Variants in INO80D observed in about 807,000 individuals in gnomAD.
INO80D encodes INO80 complex subunit D.
Under a neutral mutation model 87.6 loss-of-function variants are expected in INO80D, and 21 were observed. The ratio of observed to expected loss-of-function variants is 0.24; its 90% CI spans 0.17 to 0.35. The LOEUF is 0.35. INO80D is among the 10% of genes least tolerant of loss of function. The pLI is 1.00. For missense variants in INO80D, 982 were observed against 1,280.7 expected, an observed-to-expected ratio of 0.77 and a Z score of 3.56; for synonymous variants, 440 against 491.0, an observed-to-expected ratio of 0.90 and a Z score of 1.37.
chr2:206,058,418 CAAAAAAAAAA>C (rs59790218), intron 3 of INO80D, among the ~76,000 whole-genome samples: 1 of 125,322 alleles, frequency 8.0e-6, no homozygotes, highest in Admixed American at 7.8e-5. Context: ...GACTCTGTCT[CAAAAAAAAAA>C]AAAAAAAAAA....
intron 4 of INO80D, among the ~76,000 whole-genome samples, chr2:206,051,381 T>C (rs1324718341): frequency 6.6e-6 from 1 of 151,912 alleles, no homozygotes; most frequent in East Asian, 1.9e-4. Context: ...TGCCTGGCTA[T>C]AACAGATACC....
chr2:206,007,614 G>A (rs539747372), intron 9 of INO80D, among the ~76,000 whole-genome samples, 173 bp from the exon 10 acceptor site: 18 of 152,266 alleles, frequency 1.2e-4, no homozygotes, highest in South Asian at 8.3e-4. Context: ...TTGAGGGCAC[G>A]AGTTCGAGAT....
At chr2:206,053,958 G>A (rs1353181675) in intron 4 of INO80D, among the ~76,000 whole-genome samples, 2 of 151,684 alleles carry the variant, frequency 1.3e-5, no homozygotes, top group Non-Finnish European at 2.9e-5. Context: ...TCCTGCCTCA[G>A]CCTCCCAAGT....
rs550226257 is a variant in INO80D at position 206,023,141 on chromosome 2, C to A, written c.1299-3296G>T. Among the ~76,000 whole-genome samples the A allele has an allele frequency of 1.8e-3, 278 of 151,910 alleles. 1 individual carries two copies. The highest frequency in any genetic ancestry group is 6.4e-3 in the African/African-American group (265 of 41,458). ...ACTTGAATCCGGGAGGCGGAGCTTG[C>A]AGGGAGCCAAGACAGCGCCATTGCA... On this transcript the variant is annotated intron_variant, in intron 6 of 10. Transcript: ENST00000403263.
intron 5 of INO80D, among the ~76,000 whole-genome samples, chr2:206,039,810 CAAAAAAAA>C (rs35689223): frequency 2.0e-5 from 2 of 101,090 alleles, no homozygotes; most frequent in South Asian, 3.4e-4. Flanking sequence ...CCTCTGTCTC[CAAAAAAAA>C]AAAAAAAAAA....
chr2:206,056,007 A>T (rs1306029552), intron 4 of INO80D, among the ~76,000 whole-genome samples, 191 bp downstream of exon 4: 1 of 152,144 alleles, frequency 6.6e-6, no homozygotes, highest in Non-Finnish European at 1.5e-5. Context: ...CCAATCCACC[A>T]CACATGTAGA....
chr2:206,057,865 T>C (rs1409571812), intron 3 of INO80D, among the ~76,000 whole-genome samples: 5 of 150,826 alleles, frequency 3.3e-5, no homozygotes, highest in Non-Finnish European at 5.9e-5. Context: ...TCACCAGTGA[T>C]GCCATCTGAC....
At chr2:206,045,146 A>C (rs1171756125) in intron 5 of INO80D, among the ~76,000 whole-genome samples, 1 of 152,172 alleles carries the variant, frequency 6.6e-6, no homozygotes, top group Non-Finnish European at 1.5e-5. Flanking sequence ...AATCCAACTA[A>C]CCCTACTTGC....
At chr2:206,073,396 G>A (rs1026967710) in intron 1 of INO80D, among the ~76,000 whole-genome samples, 2 of 152,124 alleles carry the variant, frequency 1.3e-5, no homozygotes, top group African/African-American at 2.4e-5. Context: ...CTTTGGCATT[G>A]AGTGCAAGAT....
chr2:206,045,324 T>A (rs1266943279), intron 5 of INO80D, among the ~76,000 whole-genome samples: 1 of 152,238 alleles, frequency 6.6e-6, no homozygotes, highest in Non-Finnish European at 1.5e-5. Flanking sequence ...CACCTCTAGG[T>A]ATACTAACAA....
Position 206,004,509 on chromosome 2 carries a change from G to A in INO80D, c.2943C>T (p.His981=). Residue 981 remains histidine (H), a synonymous_variant, in exon 11 of 11, where the codon CAC becomes CAT. Transcript: ENST00000403263. This position sits in a 1 kb window ranked among gnomAD's most constrained non-coding sequence, Gnocchi z 4.9. The part of the protein sequence containing the change: ...QLPQFSAAFG[H]QLSSHSGIPK... The stretch of plus-strand genomic sequence containing the variant: ...GAATGCCACTGTGAGAACTCAGCTG[G>A]TGGCCAAAGGCTGCGCTGAACTGAG... 2 of 1,610,314 alleles carry A rather than the reference G, an allele frequency of 1.2e-6. No individual in the cohort carries two copies. Among genetic ancestry groups the A allele is most frequent in the African/African-American group, 1.3e-5 (1 of 75,010 alleles).
At chr2:206,009,896 A>C in intron 8 of INO80D, 102 bp from the exon 9 acceptor site, 1 of 900,082 alleles carries the variant, frequency 1.1e-6, no homozygotes, top group Non-Finnish European at 1.7e-6. Flanking sequence ...TATAATGCCT[A>C]AAACATACTG....
In INO80D at chr2:206,005,365, C is replaced by T. The variant is rs763886867; in HGVS notation, c.2087G>A (p.Gly696Asp). ...GGATTGTATTCCTGAAGCTCCAGTA[C>T]CTGTGGAGAACACCCCTATTCCTCT... ...SDRGIGVFST[G>D]TGASGIQSLS... The change falls in exon 11 of 11, where the codon GGT (glycine) becomes GAT (aspartate). Residue 696 changes from glycine to aspartate, a missense_variant. By Grantham distance (94) the Gly-to-Asp change is moderately conservative. Transcript: ENST00000403263. The T allele has an allele frequency of 1.2e-6, 2 of 1,613,948 alleles. No individual in the cohort carries two copies. The highest frequency in any genetic ancestry group is 1.7e-6 in the Non-Finnish European group (2 of 1,179,878).
At chr2:206,030,061 T>A (rs761494397) in intron 5 of INO80D, among the ~76,000 whole-genome samples, 2 of 152,238 alleles carry the variant, frequency 1.3e-5, no homozygotes, top group Non-Finnish European at 1.5e-5. Context: ...ACAGCAGGTC[T>A]ACACTTGGGA....
At chr2:206,017,271 A>T (rs1021077854) in intron 8 of INO80D, among the ~76,000 whole-genome samples, 1 of 152,212 alleles carries the variant, frequency 6.6e-6, no homozygotes, top group Non-Finnish European at 1.5e-5. Flanking sequence ...CCTTTAAATG[A>T]TTATATAATT....
At chr2:206,005,972 C>A (rs529956078) in intron 10 of INO80D, among the ~76,000 whole-genome samples, 2 of 152,314 alleles carry the variant, frequency 1.3e-5, no homozygotes, top group East Asian at 3.9e-4. Context: ...ACTCCTGACT[C>A]TCCCAGCTGG....
At chr2:206,029,719 C>A (rs1689714435) in intron 5 of INO80D, among the ~76,000 whole-genome samples, 1 of 152,186 alleles carries the variant, frequency 6.6e-6, no homozygotes, top group Admixed American at 6.5e-5. Context: ...GACTTTACTT[C>A]AATCTTTTCA....
In INO80D at chr2:205,999,305, G is replaced by A. The variant is rs139644321; in HGVS notation, c.*5063C>T. 332 of 152,444 alleles carry A rather than the reference G, an allele frequency of 2.2e-3. 2 individuals carry two copies. The highest frequency in any genetic ancestry group is 3.7e-3 in the Non-Finnish European group (254 of 68,106). 9.4% of individuals were successfully genotyped at this position (152,444 alleles called of 1,614,324 possible). ...GTGTGCATTCTTCGGGACTGTGGTG[G>A]GCAGACGCAAGAAGGCGAAAGAGAA... On this transcript the variant is annotated 3_prime_UTR_variant, in exon 11 of 11. Transcript: ENST00000403263.
Position 206,086,127 on chromosome 2 carries a change from C to T in INO80D, c.-350G>A, listed in dbSNP as rs1303205566. The T allele has an allele frequency of 6.6e-6, 1 of 152,144 alleles. No homozygotes were observed. Among genetic ancestry groups the T allele is most frequent in the Non-Finnish European group, 1.5e-5 (1 of 68,078 alleles). The allele number at this position is 152,144 out of a possible 1,614,324, so 9.4% of individuals were successfully genotyped here. A position where few individuals can be genotyped will look rare whatever the true frequency, so the allele number is the denominator to read the frequency against. On this transcript the variant is annotated 5_prime_UTR_variant, in exon 1 of 11. Coordinates refer to ENST00000403263, the MANE Select transcript of INO80D (RefSeq NM_017759.5). Reference sequence around the variant, plus strand: ...GGGTCGGTGATTATTAAGGGGAAATCCCTGAATATACTCTCCAGCCAAGAA... The same window carrying T: ...GGGTCGGTGATTATTAAGGGGAAATTCCTGAATATACTCTCCAGCCAAGAA...
Sources: gnomAD v4.1 joint callset for allele counts (sites outside exome capture counted in the v4.1 genomes callset) on GRCh38, gnomAD v4.1.1 for gene constraint, Gnocchi (gnomAD v3.1) non-coding constraint, MANE v1.5 for transcripts, NCBI Gene and HGNC (gene_info 2026-07-23, HGNC 2026-07-21) for gene names.